Variants in PDE3A observed in about 807,000 individuals in gnomAD.
PDE3A encodes the protein phosphodiesterase 3A.
PDE3A carries 43 observed loss-of-function variants against 98.3 expected under a neutral mutation model. The ratio of observed to expected loss-of-function variants is 0.44; its 90% confidence interval spans 0.34 to 0.56. The LOEUF is 0.56. Ranked by LOEUF, PDE3A falls within the 20% of genes least tolerant of loss-of-function variation. PDE3A has a pLI of 0.01. For synonymous variants in PDE3A, 663 were observed against 567.9 expected, an observed-to-expected ratio of 1.17 and a Z score of -2.38; for missense variants, 1,427 against 1,440.7, an observed-to-expected ratio of 0.99 and a Z score of 0.15.
chr12:20,482,243 TAAA>T (rs58290740), intron 1 of PDE3A, among the ~76,000 whole-genome samples: 3 of 147,600 alleles, frequency 2.0e-5, no homozygotes, highest in Non-Finnish European at 3.0e-5. Flanking sequence ...TTTTTTTCTG[TAAA>T]AAAAAAAAAC....
At chr12:20,449,807 G>T (rs1945030957) in intron 1 of PDE3A, 1 of 530,592 alleles carries the variant, frequency 1.9e-6, no homozygotes, top group Non-Finnish European at 3.4e-6. Flanking sequence ...AGTTTTGGTT[G>T]CTGGCTTCCA....
chr12:20,680,436 C>T lies in PDE3A; in HGVS notation c.*165C>T. ...GTGTGTATATTTTTACAGTGAGGTA[C>T]ATTGTTAAAAACTTTTTGCTCAAAG... On this transcript the variant is annotated 3_prime_UTR_variant, in exon 16 of 16. Transcript: ENST00000359062. 1 of 729,762 alleles carries T rather than the reference C, an allele frequency of 1.4e-6. No homozygotes were observed. The highest frequency in any genetic ancestry group is 2.1e-5 in the South Asian group (1 of 47,376). 45.2% of individuals were successfully genotyped at this position (729,762 alleles called of 1,614,324 possible).
At chr12:20,659,769 A>G (rs893193013) in intron 15 of PDE3A, among the ~76,000 whole-genome samples, 12 of 152,308 alleles carry the variant, frequency 7.9e-5, no homozygotes, top group Middle Eastern at 3.4e-3. Flanking sequence ...TGCAGTCTCA[A>G]TTAGATCAGC....
At chr12:20,628,832 G>T (rs1330427133) in intron 5 of PDE3A, among the ~76,000 whole-genome samples, 7 of 152,162 alleles carry the variant, frequency 4.6e-5, no homozygotes, top group Non-Finnish European at 1.0e-4. Context: ...ATTCTTTTCA[G>T]TGGACCAGAA....
intron 1 of PDE3A, among the ~76,000 whole-genome samples, chr12:20,526,459 T>A (rs57544392): frequency 0.18 from 26,669 of 152,022 alleles, 3,154 homozygotes; most frequent in East Asian, 0.57. Flanking sequence ...CAAATTTTTT[T>A]AAAAAAGTGT....
chr12:20,486,714 AC>A (rs1003527340), intron 1 of PDE3A, among the ~76,000 whole-genome samples: 2 of 152,030 alleles, frequency 1.3e-5, no homozygotes, highest in African/African-American at 2.4e-5. Flanking sequence ...ATCCACTGCA[AC>A]CCCCGCCTTC....
chr12:20,677,226 T>C (rs1406870650), intron 15 of PDE3A, among the ~76,000 whole-genome samples: 3 of 152,280 alleles, frequency 2.0e-5, no homozygotes, highest in East Asian at 1.9e-4. Flanking sequence ...AGTAAATTTC[T>C]CATTCATATT....
chr12:20,518,237 T>C (rs58033533), intron 1 of PDE3A, among the ~76,000 whole-genome samples: 7 of 152,192 alleles, frequency 4.6e-5, no homozygotes, highest in Admixed American at 3.9e-4. Flanking sequence ...AATATTCAAA[T>C]GTATTACAGG....
In PDE3A at chr12:20,476,045, C is replaced by A. The variant is rs142226544; in HGVS notation, c.961-80615C>A. On this transcript the variant is annotated intron_variant, in intron 1 of 15. Coordinates refer to ENST00000359062, the MANE Select transcript of PDE3A (RefSeq NM_000921.5). ...TCATGCTACAAGTTTATGCCTGGAGCTTAAAATCAGGCATTTTTCTCTATC... is the reference window on the plus strand; with the variant it reads ...TCATGCTACAAGTTTATGCCTGGAGATTAAAATCAGGCATTTTTCTCTATC... Among the ~76,000 whole-genome samples the A allele has an allele frequency of 4.9e-3, 740 of 152,286 alleles. 6 individuals carry two copies. Among genetic ancestry groups the A allele is most frequent in the Admixed American group, 0.013 (200 of 15,298 alleles).
chr12:20,434,361 G>T (rs1490488689), intron 1 of PDE3A, among the ~76,000 whole-genome samples: 1 of 151,952 alleles, frequency 6.6e-6, no homozygotes, highest in Admixed American at 6.6e-5. Flanking sequence ...ATTTGTGTGG[G>T]GTGTTCTGTG....
chr12:20,646,160 CA>C (rs1944770625), intron 10 of PDE3A, among the ~76,000 whole-genome samples: 1 of 152,102 alleles, frequency 6.6e-6, no homozygotes. Flanking sequence ...TATGCAGGAG[CA>C]TGAAAATAAG....
intron 1 of PDE3A, chr12:20,371,426 G>A (rs997014186): frequency 1.0e-6 from 1 of 982,630 alleles, no homozygotes; most frequent in Non-Finnish European, 1.2e-6. Flanking sequence ...ATGCCTACCT[G>A]TGGTACTATT....
chr12:20,635,120 C>G lies in PDE3A; in HGVS notation c.2001+64C>G. 2.1e-6 allele frequency: 3 copies of G among 1,441,032 alleles called. No homozygotes were observed. The South Asian group carries it at 3.7e-5, about 18-fold the overall frequency. The allele number at this position is 1,441,032 out of a possible 1,614,324, so 89.3% of individuals were successfully genotyped here. ...GATGAGCTTCTGTTACAGATATTGG[C>G]TCAGAAATGAATCTTTGAGGCCAGG... On this transcript the variant is annotated intron_variant, in intron 8 of 15. Transcript: ENST00000359062.
chr12:20,556,992 A>G, intron 2 of PDE3A: 1 of 380,240 alleles, frequency 2.6e-6, no homozygotes, highest in Non-Finnish European at 4.7e-6. Context: ...CATTTTGATC[A>G]GCAACCCACT....
chr12:20,547,108 C>A (rs956276253), intron 1 of PDE3A, among the ~76,000 whole-genome samples: 1 of 152,034 alleles, frequency 6.6e-6, no homozygotes, highest in African/African-American at 2.4e-5. Context: ...GCATGCATTT[C>A]CCCCAGGTTT....
At chr12:20,446,231 A>C (rs1271677306) in intron 1 of PDE3A, among the ~76,000 whole-genome samples, 1 of 152,172 alleles carries the variant, frequency 6.6e-6, no homozygotes, top group African/African-American at 2.4e-5. Context: ...GTATAAGCTT[A>C]AGTCGTGAGA....
intron 1 of PDE3A, among the ~76,000 whole-genome samples, chr12:20,479,369 C>CA (rs1430088460): frequency 6.6e-5 from 10 of 152,094 alleles, no homozygotes; most frequent in African/African-American, 1.2e-4. Context: ...CTAGTAAGCC[C>CA]AGGGGACTTT....
intron 1 of PDE3A, among the ~76,000 whole-genome samples, chr12:20,535,233 C>T (rs1941718097): frequency 6.6e-6 from 1 of 152,188 alleles, no homozygotes; most frequent in East Asian, 1.9e-4. Context: ...AGGATTTCTC[C>T]TCATCCCTGG....
At chr12:20,435,904 T>TTTTTGTTTTG (rs58859964) in intron 1 of PDE3A, among the ~76,000 whole-genome samples, 2 of 152,088 alleles carry the variant, frequency 1.3e-5, no homozygotes, top group African/African-American at 4.8e-5. Context: ...CACCCCTGCT[T>TTTTTGTTTTG]TTTTGTTTTG....
Sources: allele counts gnomAD v4.1 joint callset (sites outside exome capture counted in the v4.1 genomes callset), GRCh38; gene constraint gnomAD v4.1.1; transcripts MANE v1.5; gene names NCBI Gene and HGNC (gene_info 2026-07-23, HGNC 2026-07-21).